The following FBXL17 variants were observed in gnomAD, a reference collection of about 807,000 sequenced individuals.
The protein encoded by FBXL17 is F-box and leucine rich repeat protein 17.
Under a neutral mutation model 66.2 loss-of-function variants are expected in FBXL17, and 22 were observed. The ratio of observed to expected loss-of-function variants is 0.33; its 90% CI spans 0.24 to 0.47. FBXL17 has a LOEUF of 0.47. Among genes scored for constraint, FBXL17 ranks in the 20% least tolerant of loss-of-function variants. The probability of loss-of-function intolerance (pLI) is 1.00; values close to 1 mark genes in which losing one functional copy is unlikely to be tolerated. For synonymous variants in FBXL17, 474 were observed against 400.5 expected (o/e 1.18, Z -2.19); for missense variants, 878 against 948.2 (o/e 0.93, Z 0.97).
intron 7 of FBXL17, among the ~76,000 whole-genome samples, chr5:107,909,372 T>C (rs1395349563): frequency 6.6e-6 from 1 of 152,150 alleles, no homozygotes; most frequent in Admixed American, 6.6e-5. Context: ...TGGCTACACA[T>C]AACTTGCATA....
At chr5:107,997,274 T>C (rs1199278107) in intron 7 of FBXL17, among the ~76,000 whole-genome samples, 1 of 152,222 alleles carries the variant, frequency 6.6e-6, no homozygotes, top group African/African-American at 2.4e-5. Flanking sequence ...TATTGAAGGT[T>C]GATAACTGTG....
intron 6 of FBXL17, among the ~76,000 whole-genome samples, chr5:108,169,175 C>CA (rs919842159): frequency 6.6e-6 from 1 of 151,986 alleles, no homozygotes; most frequent in Non-Finnish European, 1.5e-5. Context: ...AGCTATCACA[C>CA]AAAAAAGCTC....
intron 7 of FBXL17, among the ~76,000 whole-genome samples, chr5:107,994,198 C>T (rs934320581): frequency 3.3e-5 from 5 of 151,968 alleles, no homozygotes; most frequent in African/African-American, 1.2e-4. Flanking sequence ...TCCATTAAAG[C>T]CTAGTGACAT....
chr5:108,036,498 T>G (rs185136050), intron 6 of FBXL17, among the ~76,000 whole-genome samples: 1 of 152,302 alleles, frequency 6.6e-6, no homozygotes, highest in Non-Finnish European at 1.5e-5. Flanking sequence ...CACAGAAATT[T>G]AAGTTTGCAA....
At chr5:107,866,902 C>T (rs1748290831) in intron 8 of FBXL17, among the ~76,000 whole-genome samples, 1 of 152,150 alleles carries the variant, frequency 6.6e-6, no homozygotes, top group Non-Finnish European at 1.5e-5. Flanking sequence ...TATATTCTTG[C>T]CCATTAGAAT....
chr5:108,041,932 C>T (rs375544498), intron 6 of FBXL17, among the ~76,000 whole-genome samples: 7 of 152,028 alleles, frequency 4.6e-5, no homozygotes, highest in African/African-American at 1.2e-4. Context: ...GATGGAGTTT[C>T]GCTCGTTTCC....
At chr5:108,001,132 T>C (rs1289244203) in intron 7 of FBXL17, among the ~76,000 whole-genome samples, 1 of 152,064 alleles carries the variant, frequency 6.6e-6, no homozygotes, top group African/African-American at 2.4e-5. Flanking sequence ...AGAAGAAAAA[T>C]TATCTTCACA....
At position 108,186,312 on chromosome 5, in the gene FBXL17, A is replaced by G. The variant is rs76228838; in HGVS notation, c.1615-65T>C. On this transcript the variant is annotated intron_variant, in intron 5 of 8. Transcript: ENST00000542267. Reference sequence around the variant, plus strand: ...GCTACATTCACTCTCAAAACTTACAAATGTAGTTTATTACAAGGTAGAGTA... The same window carrying G: ...GCTACATTCACTCTCAAAACTTACAGATGTAGTTTATTACAAGGTAGAGTA... 48,171 of 1,391,502 alleles carry G rather than the reference A, an allele frequency of 0.035. 6,738 individuals carry two copies. In the East Asian group the frequency reaches 0.4, roughly 12 times the overall value. The allele number at this position is 1,391,502 out of a possible 1,614,324, so 86.2% of individuals were successfully genotyped here. A position where few individuals can be genotyped will look rare whatever the true frequency, so the allele number is the denominator to read the frequency against.
chr5:107,978,575 C>T (rs944701167), intron 7 of FBXL17, among the ~76,000 whole-genome samples: 2 of 152,180 alleles, frequency 1.3e-5, no homozygotes, highest in South Asian at 2.1e-4. Context: ...TGGCCACTGA[C>T]TGATTCTACC....
At chr5:107,944,435 C>T (rs566133277) in intron 7 of FBXL17, among the ~76,000 whole-genome samples, 2 of 152,098 alleles carry the variant, frequency 1.3e-5, no homozygotes, top group South Asian at 4.1e-4. Context: ...TCAAAGTTAA[C>T]ATTTCATTTT....
At chr5:107,904,135 C>T (rs1749671786) in intron 7 of FBXL17, among the ~76,000 whole-genome samples, 1 of 152,172 alleles carries the variant, frequency 6.6e-6, no homozygotes, top group Admixed American at 6.5e-5. Context: ...GGGGCTTCAC[C>T]TGGATGCTCT....
intron 3 of FBXL17, among the ~76,000 whole-genome samples, chr5:108,350,474 A>G (rs1280724870): frequency 6.6e-6 from 1 of 152,206 alleles, no homozygotes; most frequent in Non-Finnish European, 1.5e-5. Flanking sequence ...GAATGAAAGG[A>G]TATCAACTTC....
At chr5:108,331,157 G>T (rs1010519473) in intron 4 of FBXL17, among the ~76,000 whole-genome samples, 6 of 152,160 alleles carry the variant, frequency 3.9e-5, no homozygotes, top group Admixed American at 1.3e-4. Flanking sequence ...GTGCTAATTT[G>T]ATCTCCAACA....
intron 6 of FBXL17, among the ~76,000 whole-genome samples, chr5:108,171,999 G>A (rs1378603198): frequency 4.6e-5 from 7 of 152,058 alleles, no homozygotes; most frequent in Non-Finnish European, 7.4e-5. Flanking sequence ...CTTGCCTTCC[G>A]CCATGATTTT....
At chr5:107,886,374 C>T (rs1369528709) in intron 7 of FBXL17, among the ~76,000 whole-genome samples, 2 of 152,030 alleles carry the variant, frequency 1.3e-5, no homozygotes, top group African/African-American at 4.8e-5. Flanking sequence ...ACATCTATTT[C>T]TTAGCTCTTT....
Position 108,348,382 on chromosome 5 carries a change from T to C in FBXL17, c.1506+17A>G. ...AGGAACAAAATGAACAATACAAGGA[T>C]GATAACAAGTACTTACTAATTTGTT... On this transcript the variant is annotated intron_variant, in intron 4 of 8. Transcript: ENST00000542267. 1 of 1,604,914 alleles carries C rather than the reference T, an allele frequency of 6.2e-7. No homozygotes were observed. The highest frequency in any genetic ancestry group is 8.5e-7 in the Non-Finnish European group (1 of 1,173,058).
At chr5:107,943,344 A>C (rs1447357070) in intron 7 of FBXL17, among the ~76,000 whole-genome samples, 2 of 152,106 alleles carry the variant, frequency 1.3e-5, no homozygotes, top group Non-Finnish European at 2.9e-5. Context: ...CCACAAACAG[A>C]AAACACCATT....
chr5:108,198,218 A>T (rs1366205971), intron 5 of FBXL17, among the ~76,000 whole-genome samples: 1 of 152,140 alleles, frequency 6.6e-6, no homozygotes. Context: ...TAAATAACCT[A>T]GGCATTCAGC....
intron 4 of FBXL17, among the ~76,000 whole-genome samples, chr5:108,329,852 G>A (rs17161245): frequency 0.02 from 2,976 of 152,018 alleles, 92 homozygotes; most frequent in African/African-American, 0.066. Flanking sequence ...GTCCAGGCTC[G>A]GGAACAGTGG....
Sources: allele counts gnomAD v4.1 joint callset (sites outside exome capture counted in the v4.1 genomes callset), GRCh38; gene constraint gnomAD v4.1.1; transcripts MANE v1.5; gene names NCBI Gene and HGNC (gene_info 2026-07-23, HGNC 2026-07-21).